PRKD1: variants seen among roughly 807,000 people sequenced by gnomAD.
PRKD1 encodes the protein serine/threonine-protein kinase D1.
A neutral mutation model predicts 95.9 loss-of-function variants in PRKD1; 63 were observed. The observed-to-expected ratio is 0.66, with a 90% CI of 0.54 to 0.81. The LOEUF (loss-of-function observed/expected upper bound fraction) is 0.81, where lower values mean the gene tolerates loss of function less well. PRKD1 is among the 30% of genes least tolerant of loss of function. The pLI, the probability that PRKD1 is intolerant of heterozygous loss-of-function variation, is 0.00. For synonymous variants in PRKD1, 425 were observed against 423.1 expected (o/e 1.00, Z -0.05); for missense variants, 1,048 against 1,165.3 (o/e 0.90, Z 1.47).
At chr14:29,861,644 G>T (rs1293350294) in intron 1 of PRKD1, among the ~76,000 whole-genome samples, 3 of 151,868 alleles carry the variant, frequency 2.0e-5, no homozygotes, top group East Asian at 1.9e-4. Context: ...GGTTTGGTTT[G>T]GTTTTGTTTT....
intron 13 of PRKD1, among the ~76,000 whole-genome samples, chr14:29,618,563 A>G (rs767459723): frequency 1.3e-5 from 2 of 152,164 alleles, no homozygotes; most frequent in Non-Finnish European, 2.9e-5. Context: ...GCCAATATCT[A>G]CATTAACTAA....
intron 2 of PRKD1, among the ~76,000 whole-genome samples, chr14:29,717,754 A>T (rs1594455301): frequency 6.6e-6 from 1 of 152,318 alleles, no homozygotes; most frequent in African/African-American, 2.4e-5. Context: ...ATAATGCAGC[A>T]GAATGGAAAA....
At chr14:29,729,787 G>A (rs1886342744) in intron 1 of PRKD1, among the ~76,000 whole-genome samples, 1 of 151,896 alleles carries the variant, frequency 6.6e-6, no homozygotes, top group Non-Finnish European at 1.5e-5. Context: ...ACCATTTAAT[G>A]CAATAAATAC....
Position 29,748,604 on chromosome 14 carries a change from G to A in PRKD1, c.265-22930C>T, listed in dbSNP as rs117396765. Among the ~76,000 whole-genome samples, 93 of 152,280 alleles carry A rather than the reference G, an allele frequency of 6.1e-4. 2 individuals carry two copies. In the East Asian group the frequency reaches 0.017, roughly 27 times the overall value. On this transcript the variant is annotated intron_variant, in intron 1 of 17. Coordinates refer to ENST00000331968, the MANE Select transcript of PRKD1 (RefSeq NM_002742.3). ...AGCTCTTCTGTGCATATGTTTACTT[G>A]AAGCCCCGTTTACCATTTCCCTCAG...
At chr14:29,899,210 T>C (rs1894234602) in intron 1 of PRKD1, among the ~76,000 whole-genome samples, 1 of 152,162 alleles carries the variant, frequency 6.6e-6, no homozygotes, top group South Asian at 2.1e-4. Context: ...ATAAATAAGG[T>C]TAAACCATTT....
At chr14:29,725,956 T>C (rs796925934) in intron 1 of PRKD1, among the ~76,000 whole-genome samples, 11 of 152,236 alleles carry the variant, frequency 7.2e-5, no homozygotes, top group African/African-American at 2.6e-4. Flanking sequence ...TTTAAATAAG[T>C]TCTGGCAGTA....
At chr14:29,684,067 C>A (rs972121244) in intron 2 of PRKD1, among the ~76,000 whole-genome samples, 6 of 152,188 alleles carry the variant, frequency 3.9e-5, no homozygotes, top group Admixed American at 6.5e-5. Context: ...TCAAAACCAG[C>A]CCTGAGAGTC....
rs753134617 is a variant in PRKD1, at chr14:29,839,481, G to A, written c.264+87768C>T. On this transcript the variant is annotated intron_variant, in intron 1 of 17. Transcript: ENST00000331968. ...GGCAAAGTTCATGGCAATACTCTCC[G>A]GGGTGCACGGTGCAAGCTGTCAATG... 3.3e-5 allele frequency among the ~76,000 whole-genome samples: 5 copies of A among 152,250 alleles called. No individual in the cohort carries two copies. The East Asian group carries it at 5.8e-4, about 18-fold the overall frequency.
intron 1 of PRKD1, among the ~76,000 whole-genome samples, chr14:29,799,317 C>T (rs1294969711): frequency 6.6e-6 from 1 of 152,118 alleles, no homozygotes; most frequent in East Asian, 1.9e-4. Flanking sequence ...CAAATTGCTT[C>T]CCTACTAATA....
chr14:29,849,375 A>G (rs1227330003), intron 1 of PRKD1, among the ~76,000 whole-genome samples: 1 of 152,206 alleles, frequency 6.6e-6, no homozygotes, highest in Non-Finnish European at 1.5e-5. Flanking sequence ...TCTTTTCTTT[A>G]TAAGTTACCC....
intron 16 of PRKD1, among the ~76,000 whole-genome samples, chr14:29,591,790 G>A (rs1893140567): frequency 6.6e-6 from 1 of 152,108 alleles, no homozygotes; most frequent in South Asian, 2.1e-4. Flanking sequence ...CTCACAGACT[G>A]AGTCTTGCTT....
At chr14:29,588,800 GT>G (rs1893023375) in intron 16 of PRKD1, among the ~76,000 whole-genome samples, 1 of 95,572 alleles carries the variant, frequency 1.0e-5, no homozygotes, top group Non-Finnish European at 2.1e-5. Flanking sequence ...TTGTGTGTGT[GT>G]GTGTGTGTGT....
chr14:29,772,863 C>T (rs112135918), intron 1 of PRKD1, among the ~76,000 whole-genome samples: 87 of 152,300 alleles, frequency 5.7e-4, no homozygotes, highest in African/African-American at 1.8e-3. Flanking sequence ...TTCCTTAGAA[C>T]GCACAACTGA....
In PRKD1 at chr14:29,636,621, T is replaced by A. The variant is rs1880399203; in HGVS notation, c.986-127A>T. The A allele has an allele frequency of 9.0e-6, 8 of 892,198 alleles. No individual in the cohort carries two copies. The East Asian group carries it at 2.1e-4, about 24-fold the overall frequency. The allele number at this position is 892,198 out of a possible 1,614,324, so 55.3% of individuals were successfully genotyped here. A position where few individuals can be genotyped will look rare whatever the true frequency, so the allele number is the denominator to read the frequency against. On this transcript the variant is annotated intron_variant, in intron 6 of 17. Coordinates refer to ENST00000331968, the MANE Select transcript of PRKD1 (RefSeq NM_002742.3). ...AGAGGTAGTTCTGTGATGAGTTTAT[T>A]TTTTATTTTTTAACTTTTATTTTAA...
chr14:29,815,244 A>G lies in PRKD1; in HGVS notation c.265-89570T>C, dbSNP rs190662182. ...GACTACCATTAGAAACATCTAAATT[A>G]CTTAAGACAAACTAAACATAAGATA... is the stretch of plus-strand genomic sequence containing the variant. On this transcript the variant is annotated intron_variant, in intron 1 of 17. Coordinates refer to ENST00000331968, the MANE Select transcript of PRKD1 (RefSeq NM_002742.3). 9.2e-5 allele frequency among the ~76,000 whole-genome samples: 14 copies of G among 152,378 alleles called. No individual in the cohort carries two copies. In the East Asian group the frequency reaches 2.7e-3, roughly 29 times the overall value.
chr14:29,719,092 C>G (rs528236751), intron 2 of PRKD1, among the ~76,000 whole-genome samples: 2 of 151,772 alleles, frequency 1.3e-5, no homozygotes, highest in African/African-American at 2.4e-5. Context: ...ATGTTGTTAC[C>G]ATATTTTTTT....
At chr14:29,752,419 CAGTGGA>C (rs1836859358) in intron 1 of PRKD1, among the ~76,000 whole-genome samples, 2 of 152,010 alleles carry the variant, frequency 1.3e-5, no homozygotes. Flanking sequence ...ATGACATAAC[CAGTGGA>C]AGTAGGTTGT....
At chr14:29,866,188 A>G (rs984087534) in intron 1 of PRKD1, among the ~76,000 whole-genome samples, 8 of 147,268 alleles carry the variant, frequency 5.4e-5, no homozygotes, top group African/African-American at 1.7e-4. Context: ...TTTCAGACCA[A>G]AAAAAAAAAA....
chr14:29,887,692 A>G (rs1347813776), intron 1 of PRKD1, among the ~76,000 whole-genome samples: 1 of 152,168 alleles, frequency 6.6e-6, no homozygotes, highest in Non-Finnish European at 1.5e-5. Context: ...GTAATACCCT[A>G]TTTTAATTGT....
Sources: gnomAD v4.1 joint callset for allele counts (sites outside exome capture counted in the v4.1 genomes callset) on GRCh38, gnomAD v4.1.1 for gene constraint, MANE v1.5 for transcripts, NCBI Gene and HGNC (gene_info 2026-07-23, HGNC 2026-07-21) for gene names.